AKT3: variants seen among roughly 807,000 people sequenced by gnomAD.
The protein encoded by AKT3 is RAC-gamma serine/threonine-protein kinase.
A neutral mutation model predicts 65.3 loss-of-function variants in AKT3; 15 were observed. The observed-to-expected ratio is 0.23, with a 90% CI of 0.15 to 0.35. The LOEUF (loss-of-function observed/expected upper bound fraction) is 0.35. Among genes scored for constraint, AKT3 ranks in the 10% least tolerant of loss-of-function variants. The probability of loss-of-function intolerance (pLI) is 1.00; values close to 1 mark genes in which losing one functional copy is unlikely to be tolerated. For synonymous variants in AKT3, 206 were observed against 183.8 expected, an observed-to-expected ratio of 1.12 and a Z score of -0.98; for missense variants, 243 against 576.5, an observed-to-expected ratio of 0.42 and a Z score of 5.92.
At chr1:243,761,154 G>A (rs1295838522) in intron 2 of AKT3, among the ~76,000 whole-genome samples, 1 of 152,098 alleles carries the variant, frequency 6.6e-6, no homozygotes, top group African/African-American at 2.4e-5. Context: ...AATACTGAAA[G>A]TATCAGACAC....
At chr1:243,629,329 G>T (rs1370069025) in intron 6 of AKT3, among the ~76,000 whole-genome samples, 1 of 152,096 alleles carries the variant, frequency 6.6e-6, no homozygotes, top group Non-Finnish European at 1.5e-5. Context: ...GATTAATGAG[G>T]CATGGCTCTA....
Position 243,581,833 on chromosome 1 carries a change from CA to C in AKT3, c.697-8786del, listed in dbSNP as rs886382584. On this transcript the variant is annotated intron_variant, in intron 8 of 13. Coordinates refer to ENST00000673466, the MANE Select transcript of AKT3 (RefSeq NM_005465.7). The stretch of plus-strand genomic sequence containing the variant: ...GATCCAAGACAAAGTTGAAAATCAA[CA>C]AAAAAAAACTTCTAAAGTAATCCAG... Among the ~76,000 whole-genome samples, 18 of 148,524 alleles carry C rather than the reference CA, an allele frequency of 1.2e-4. No homozygotes were observed. In the South Asian group the frequency reaches 2.5e-3, roughly 21 times the overall value.
At chr1:243,816,488 A>G (rs886886727) in intron 2 of AKT3, among the ~76,000 whole-genome samples, 1 of 152,222 alleles carries the variant, frequency 6.6e-6, no homozygotes, top group Non-Finnish European at 1.5e-5. Flanking sequence ...CTTTAGTTCT[A>G]CTACTGCAAC....
At chr1:243,797,090 G>A (rs535939048) in intron 2 of AKT3, among the ~76,000 whole-genome samples, 20 of 151,988 alleles carry the variant, frequency 1.3e-4, no homozygotes, top group East Asian at 7.7e-4. Flanking sequence ...ACTTGATGTC[G>A]CTGAAACGTG....
chr1:243,737,567 A>G (rs1044598286), intron 2 of AKT3, among the ~76,000 whole-genome samples: 1 of 152,218 alleles, frequency 6.6e-6, no homozygotes, highest in African/African-American at 2.4e-5. Flanking sequence ...TGAGCACTCA[A>G]TACAGGGATG....
chr1:243,790,022 T>C (rs577597036), intron 2 of AKT3, among the ~76,000 whole-genome samples: 17 of 152,294 alleles, frequency 1.1e-4, no homozygotes, highest in Non-Finnish European at 8.8e-5. Flanking sequence ...TTTCCACTGA[T>C]AGAGCACAGG....
chr1:243,775,358 T>G (rs1454646876), intron 2 of AKT3, among the ~76,000 whole-genome samples: 1 of 152,176 alleles, frequency 6.6e-6, no homozygotes, highest in African/African-American at 2.4e-5. Flanking sequence ...TTTTTTGTAT[T>G]TTTAGTAGAG....
chr1:243,721,108 A>T (rs1267455146), intron 2 of AKT3, among the ~76,000 whole-genome samples: 1 of 152,138 alleles, frequency 6.6e-6, no homozygotes, highest in Non-Finnish European at 1.5e-5. Flanking sequence ...AATAAAGACT[A>T]GATCTCTCTT....
At chr1:243,676,984 CA>C (rs1181623584) in intron 3 of AKT3, among the ~76,000 whole-genome samples, 1 of 152,194 alleles carries the variant, frequency 6.6e-6, no homozygotes, top group Non-Finnish European at 1.5e-5. Flanking sequence ...GTCTGCAGGA[CA>C]ATGTTCAAAT....
intron 2 of AKT3, among the ~76,000 whole-genome samples, chr1:243,781,775 G>A (rs1049586023): frequency 4.6e-5 from 7 of 152,048 alleles, no homozygotes; most frequent in Admixed American, 3.9e-4. Context: ...CAAGATTTTT[G>A]ATGAAACCTG....
At chr1:243,778,272 C>A (rs185537564) in intron 2 of AKT3, among the ~76,000 whole-genome samples, 5 of 152,032 alleles carry the variant, frequency 3.3e-5, no homozygotes, top group African/African-American at 1.2e-4. Flanking sequence ...TGTCTAAGTA[C>A]AATAAAAAAG....
At chr1:243,535,746 G>A (rs968033346) in intron 12 of AKT3, among the ~76,000 whole-genome samples, 1 of 151,914 alleles carries the variant, frequency 6.6e-6, no homozygotes, top group African/African-American at 2.4e-5. Context: ...CCTACTAGTG[G>A]AATTCCTGGA....
Position 243,504,858 on chromosome 1 carries a change from C to T in AKT3, c.*391G>A, listed in dbSNP as rs1453255453. On this transcript the variant is annotated 3_prime_UTR_variant, in exon 14 of 14. Transcript: ENST00000673466. ...CTCTTCTAGAAAGTTAAAAAATGTA[C>T]CTAGAATCAGTGTATCTCATTTAGC... 8.5e-6 allele frequency: 2 copies of T among 235,356 alleles called. No homozygotes were observed. The highest frequency in any genetic ancestry group is 1.7e-5 in the Non-Finnish European group (2 of 120,312). 14.6% of individuals were successfully genotyped at this position (235,356 alleles called of 1,614,324 possible). A position where few individuals can be genotyped will look rare whatever the true frequency, so the allele number is the denominator to read the frequency against.
intron 13 of AKT3, chr1:243,489,185 T>C (rs1329365867): frequency 1.9e-6 from 3 of 1,603,284 alleles, no homozygotes; most frequent in Admixed American, 3.4e-5. Flanking sequence ...TGGGCGGGCG[T>C]CTACAGGTGG....
chr1:243,651,303 C>T (rs180678526), intron 4 of AKT3, among the ~76,000 whole-genome samples: 13 of 152,176 alleles, frequency 8.5e-5, no homozygotes, highest in East Asian at 5.8e-4. Flanking sequence ...GCTGAGACAA[C>T]GGGGTTTTCT....
intron 2 of AKT3, among the ~76,000 whole-genome samples, chr1:243,785,222 C>A (rs1277911587): frequency 2.0e-5 from 3 of 151,634 alleles, no homozygotes; most frequent in African/African-American, 7.3e-5. Flanking sequence ...GCGCCAGCCA[C>A]CATGCCCAGC....
chr1:243,772,126 T>C (rs1357360196), intron 2 of AKT3, among the ~76,000 whole-genome samples: 3 of 152,176 alleles, frequency 2.0e-5, no homozygotes, highest in Admixed American at 6.5e-5. Context: ...GACATAGGCA[T>C]AGGCAAAGAC....
At chr1:243,634,205 T>C (rs1679810024) in intron 6 of AKT3, among the ~76,000 whole-genome samples, 1 of 152,076 alleles carries the variant, frequency 6.6e-6, no homozygotes, top group African/African-American at 2.4e-5. Context: ...ATGTAAATGT[T>C]ATGTAAATAG....
At chr1:243,730,814 C>T (rs962807276) in intron 2 of AKT3, among the ~76,000 whole-genome samples, 1 of 152,224 alleles carries the variant, frequency 6.6e-6, no homozygotes, top group Admixed American at 6.5e-5. Context: ...CTTTTCCAGA[C>T]ACCAGCACCT....
Sources: gnomAD v4.1 joint callset for allele counts (sites outside exome capture counted in the v4.1 genomes callset) on GRCh38, gnomAD v4.1.1 for gene constraint, MANE v1.5 for transcripts, NCBI Gene and HGNC (gene_info 2026-07-23, HGNC 2026-07-21) for gene names.